The following HTR2A variants were observed in gnomAD, a reference collection of about 807,000 sequenced individuals.
The protein encoded by HTR2A is 5-HT2 receptor.
In HTR2A, 14 loss-of-function variants were observed where a neutral mutation model predicts 31.0. The observed-to-expected ratio is 0.45, with a 90% confidence interval of 0.30 to 0.71. The LOEUF (loss-of-function observed/expected upper bound fraction) is 0.71. Among genes scored for constraint, HTR2A ranks in the 30% least tolerant of loss-of-function variants. The probability of loss-of-function intolerance (pLI) is 0.09; values close to 1 mark genes in which losing one functional copy is unlikely to be tolerated. For missense variants in HTR2A, 442 were observed against 573.3 expected, an observed-to-expected ratio of 0.77 and a Z score of 2.34; for synonymous variants, 209 against 225.2, an observed-to-expected ratio of 0.93 and a Z score of 0.64.
chr13:46,896,059 C>T lies in HTR2A; in HGVS notation c.-153G>A. ...GCTGGATTTTTGTCTTCCATTATTACAATGATAGTTAAAGAACTGAACTGT... is the reference window on the plus strand; with the variant it reads ...GCTGGATTTTTGTCTTCCATTATTATAATGATAGTTAAAGAACTGAACTGT... On this transcript the variant is annotated 5_prime_UTR_variant, in exon 2 of 4. Transcript: ENST00000542664. The T allele has an allele frequency of 7.1e-7, 1 of 1,402,614 alleles. No individual in the cohort carries two copies. The highest frequency in any genetic ancestry group is 9.2e-7 in the Non-Finnish European group (1 of 1,085,370). The allele number at this position is 1,402,614 out of a possible 1,614,324, so 86.9% of individuals were successfully genotyped here. A position where few individuals can be genotyped will look rare whatever the true frequency, so the allele number is the denominator to read the frequency against.
rs1329346384 is a variant in HTR2A, at chr13:46,833,814, C to G, written c.*1023G>C. ...TAATAAATAGTATAAACCGATGGAT[C>G]TGAAAGCATCAGTTTACCTGATGAG... On this transcript the variant is annotated 3_prime_UTR_variant, in exon 4 of 4. Transcript: ENST00000542664. 1 of 152,168 alleles carries G rather than the reference C, an allele frequency of 6.6e-6. No individual in the cohort carries two copies. Among genetic ancestry groups the G allele is most frequent in the Admixed American group, 6.6e-5 (1 of 15,262 alleles). The allele number at this position is 152,168 out of a possible 1,614,324, so 9.4% of individuals were successfully genotyped here.
In HTR2A at chr13:46,856,666, T is replaced by C. The variant is rs529135369; in HGVS notation, c.614-21027A>G. ...ATCATGTAGTACGATGACTCTTATG[T>C]ATGTACTTCTATCCTGGGATGAAAG... On this transcript the variant is annotated intron_variant, in intron 3 of 3. Transcript: ENST00000542664. 1.9e-4 allele frequency among the ~76,000 whole-genome samples: 29 copies of C among 152,298 alleles called. No homozygotes were observed. In the East Asian group the frequency reaches 5.6e-3, roughly 29 times the overall value.
At chr13:46,879,884 A>G (rs1950947218) in intron 3 of HTR2A, among the ~76,000 whole-genome samples, 1 of 152,138 alleles carries the variant, frequency 6.6e-6, no homozygotes, top group Admixed American at 6.5e-5. Context: ...ATGCACCTAT[A>G]TTCCCAGCTA....
intron 3 of HTR2A, among the ~76,000 whole-genome samples, chr13:46,860,348 GA>G (rs1383323210): frequency 6.6e-6 from 1 of 152,140 alleles, no homozygotes; most frequent in Non-Finnish European, 1.5e-5. Context: ...TGCTAATGAT[GA>G]ACAAGTTAAA....
chr13:46,874,083 C>A (rs1263466941), intron 3 of HTR2A, among the ~76,000 whole-genome samples: 2 of 152,192 alleles, frequency 1.3e-5, no homozygotes, highest in African/African-American at 4.8e-5. Context: ...CTCTCTCCTG[C>A]TGAGTTTAAA....
chr13:46,835,563 G>A lies in HTR2A; in HGVS notation c.690C>T (p.Ala230=), dbSNP rs370286942. 17 of 1,613,888 alleles carry A rather than the reference G, an allele frequency of 1.1e-5. No individual in the cohort carries two copies. The highest frequency in any genetic ancestry group is 2.2e-5 in the East Asian group (1 of 44,894). Residue 230 remains alanine, a synonymous_variant, in exon 4 of 4, where the codon GCC becomes GCT. Coordinates refer to ENST00000542664, the MANE Select transcript of HTR2A (RefSeq NM_000621.5). ...KVFKEGSCLL[A]DDNFVLIGSF... ...AGCCGATCAGGACAAAGTTATCATC[G>A]GCGAGTAAGCAACTCCCCTCCTTAA...
intron 3 of HTR2A, among the ~76,000 whole-genome samples, chr13:46,847,862 G>A (rs949818858): frequency 6.6e-6 from 1 of 152,076 alleles, no homozygotes; most frequent in African/African-American, 2.4e-5. Context: ...AGTGCCCCTG[G>A]GCACTATTTG....
intron 3 of HTR2A, among the ~76,000 whole-genome samples, chr13:46,886,334 G>A (rs568471659): frequency 2.6e-5 from 1 of 38,552 alleles, no homozygotes; most frequent in South Asian, 1.4e-3. Context: ...TTAAGATATT[G>A]TGCAAGTCAG....
chr13:46,883,868 C>A (rs930968572), intron 3 of HTR2A, among the ~76,000 whole-genome samples: 19 of 152,196 alleles, frequency 1.2e-4, no homozygotes, highest in Admixed American at 1.2e-3. Flanking sequence ...ACAGAAAACA[C>A]AATGATTTGC....
chr13:46,840,047 C>T (rs565523421), intron 3 of HTR2A, among the ~76,000 whole-genome samples: 9 of 152,242 alleles, frequency 5.9e-5, no homozygotes, highest in Admixed American at 4.6e-4. Context: ...AGGTGGAGGG[C>T]AGAGAAGTTA....
At chr13:46,865,782 G>T (rs1194150908) in intron 3 of HTR2A, among the ~76,000 whole-genome samples, 1 of 152,226 alleles carries the variant, frequency 6.6e-6, no homozygotes, top group Non-Finnish European at 1.5e-5. Context: ...AAGGGAAGAT[G>T]ATTTTTGGGG....
At chr13:46,872,178 C>T (rs1211976670) in intron 3 of HTR2A, among the ~76,000 whole-genome samples, 1 of 152,148 alleles carries the variant, frequency 6.6e-6, no homozygotes, top group Non-Finnish European at 1.5e-5. Context: ...GTGATATGCA[C>T]CAGCTTAAGG....
intron 3 of HTR2A, among the ~76,000 whole-genome samples, chr13:46,854,983 C>T (rs891660053): frequency 9.2e-5 from 14 of 152,090 alleles, no homozygotes; most frequent in Non-Finnish European, 1.3e-4. Context: ...GACATGTGTA[C>T]GCTGAGATAA....
chr13:46,859,575 T>C (rs1315761882), intron 3 of HTR2A, among the ~76,000 whole-genome samples: 1 of 152,044 alleles, frequency 6.6e-6, no homozygotes, highest in African/African-American at 2.4e-5. Context: ...CCTAGTGCTG[T>C]TTCATGAGAG....
rs1270327649 is a variant in HTR2A, at chr13:46,833,576, G to A, written c.*1261C>T. 1.3e-5 allele frequency: 2 copies of A among 151,972 alleles called. No homozygotes were observed. Among genetic ancestry groups the A allele is most frequent in the Non-Finnish European group, 2.9e-5 (2 of 68,004 alleles). 9.4% of individuals were successfully genotyped at this position (151,972 alleles called of 1,614,324 possible). The stretch of plus-strand genomic sequence containing the variant: ...CAGGGAGGTCTCACTTTGTTACCCA[G>A]GTTGGTCTCAAACTCTTGGCCTCAA... On this transcript the variant is annotated 3_prime_UTR_variant, in exon 4 of 4. Transcript: ENST00000542664.
rs563646211 is a variant in HTR2A at position 46,893,469 on chromosome 13, C to G, written c.413-879G>C. Among the ~76,000 whole-genome samples, 11 of 152,274 alleles carry G rather than the reference C, an allele frequency of 7.2e-5. No individual in the cohort carries two copies. In the East Asian group the frequency reaches 1.9e-3, roughly 27 times the overall value. ...GCTGCTTTAGGGTAGTGGCTCTCAC[C>G]CCTGGCTGCACATCAGTATCAGCTG... is the stretch of plus-strand genomic sequence containing the variant. On this transcript the variant is annotated intron_variant, in intron 2 of 3. Coordinates refer to ENST00000542664, the MANE Select transcript of HTR2A (RefSeq NM_000621.5).
intron 3 of HTR2A, among the ~76,000 whole-genome samples, chr13:46,848,325 G>A (rs1426887863): frequency 6.6e-6 from 1 of 152,204 alleles, no homozygotes; most frequent in Non-Finnish European, 1.5e-5. Flanking sequence ...GTTAAAAGCA[G>A]CTTTAATCAA....
At chr13:46,876,663 G>T (rs961059911) in intron 3 of HTR2A, among the ~76,000 whole-genome samples, 1 of 151,504 alleles carries the variant, frequency 6.6e-6, no homozygotes, top group African/African-American at 2.4e-5. Context: ...TGATCCATCC[G>T]CCTCGGCCTC....
intron 3 of HTR2A, among the ~76,000 whole-genome samples, chr13:46,887,352 G>A (rs1442936235): frequency 6.7e-6 from 1 of 150,346 alleles, no homozygotes; most frequent in African/African-American, 2.5e-5. Flanking sequence ...GAACCCAGGA[G>A]GTGGAGCTTG....
Sources: gnomAD v4.1 joint callset for allele counts (sites outside exome capture counted in the v4.1 genomes callset) on GRCh38, gnomAD v4.1.1 for gene constraint, MANE v1.5 for transcripts, NCBI Gene and HGNC (gene_info 2026-07-23, HGNC 2026-07-21) for gene names.